The following COL5A2 variants were observed in gnomAD, a reference collection of about 807,000 sequenced individuals.
COL5A2 encodes collagen type V alpha 2 chain, also known as collagen alpha-2(V) chain.
COL5A2 carries 23 observed loss-of-function variants against 208.2 expected under a neutral mutation model. The ratio of observed to expected loss-of-function variants is 0.11; its 90% CI spans 0.08 to 0.16. The LOEUF (loss-of-function observed/expected upper bound fraction) is 0.16, where lower values mean the gene tolerates loss of function less well. Among genes scored for constraint, COL5A2 ranks in the 10% least tolerant of loss-of-function variants. The pLI is 1.00. For missense variants in COL5A2, 1,590 were observed against 1,956.4 expected, an observed-to-expected ratio of 0.81 and a Z score of 3.53; for synonymous variants, 625 against 628.5, an observed-to-expected ratio of 0.99 and a Z score of 0.08.
At chr2:189,068,926 G>C (rs775170506) in intron 18 of COL5A2, 42 bp from the exon 19 acceptor site, 2 of 1,331,398 alleles carry the variant, frequency 1.5e-6, no homozygotes, top group Admixed American at 3.4e-5. Flanking sequence ...AGAAAAATAC[G>C]AGAGTGGCAT....
chr2:189,191,152 C>A (rs57612106), intron 1 of COL5A2, among the ~76,000 whole-genome samples: 1,240 of 20,058 alleles, frequency 0.062, 9 homozygotes, highest in Middle Eastern at 0.17. Context: ...AAAAAAAAAA[C>A]AAAAAACAAA....
intron 1 of COL5A2, among the ~76,000 whole-genome samples, chr2:189,136,801 AT>A (rs1687836153): frequency 6.6e-6 from 1 of 151,846 alleles, no homozygotes; most frequent in Non-Finnish European, 1.5e-5. Flanking sequence ...GCTTTTTTCC[AT>A]TTTCTTGCCA....
chr2:189,223,592 G>C (rs1166867308), intron 1 of COL5A2, among the ~76,000 whole-genome samples: 1 of 152,054 alleles, frequency 6.6e-6, no homozygotes, highest in Non-Finnish European at 1.5e-5. Context: ...ACAACATCGT[G>C]GATAAATAAA....
intron 1 of COL5A2, among the ~76,000 whole-genome samples, chr2:189,151,532 C>A (rs1321841025): frequency 6.6e-6 from 1 of 152,090 alleles, no homozygotes; most frequent in Non-Finnish European, 1.5e-5. Flanking sequence ...AGATAACTGG[C>A]AAATCAAATA....
At chr2:189,195,502 GC>G (rs1445309069) in intron 1 of COL5A2, among the ~76,000 whole-genome samples, 1 of 152,138 alleles carries the variant, frequency 6.6e-6, no homozygotes, top group Non-Finnish European at 1.5e-5. Context: ...AGCTCGTATA[GC>G]CAAGACAATC....
rs886039197 is a variant in COL5A2 at position 189,075,424 on chromosome 2, G to A, written c.1073C>T (p.Ala358Val). The part of the protein sequence containing the change: ...GPQGAPGQRG[A>V]HGMPGKPGPM... ...TCCAGGTTTTCCAGGCATACCATGTGCACCTCGTTGTCCCTAATTAAGAGA... is the reference window on the plus strand; with the variant it reads ...TCCAGGTTTTCCAGGCATACCATGTACACCTCGTTGTCCCTAATTAAGAGA... Residue 358 changes from alanine to valine, a missense_variant, in exon 17 of 54, where the codon GCA becomes GTA. Transcript: ENST00000374866. The A allele has an allele frequency of 1.2e-5, 19 of 1,605,958 alleles. No individual in the cohort carries two copies. The highest frequency in any genetic ancestry group is 1.6e-5 in the Non-Finnish European group (19 of 1,173,188).
At chr2:189,417,858 A>G in the COL5A2 span, among the ~76,000 whole-genome samples, 1 of 151,804 alleles carries the variant, frequency 6.6e-6, no homozygotes, top group Non-Finnish European at 1.5e-5. Context: ...ATATATGCAC[A>G]CACACAATAC....
At chr2:189,158,440 T>C (rs1688297258) in intron 1 of COL5A2, among the ~76,000 whole-genome samples, 2 of 151,862 alleles carry the variant, frequency 1.3e-5, no homozygotes, top group Admixed American at 6.6e-5. Flanking sequence ...TAAGAAACAA[T>C]ATAAAACTAA....
chr2:189,440,101 C>T, the COL5A2 span, among the ~76,000 whole-genome samples: 1 of 152,172 alleles, frequency 6.6e-6, no homozygotes, highest in Non-Finnish European at 1.5e-5. Context: ...AGTTCTGGCT[C>T]CCCAAATAAT....
chr2:189,164,404 T>A (rs183783197), intron 1 of COL5A2, among the ~76,000 whole-genome samples: 3 of 150,092 alleles, frequency 2.0e-5, no homozygotes, highest in East Asian at 3.9e-4. Context: ...CTATTCTTAT[T>A]TTTTTTTTTA....
chr2:189,429,566 T>C, the COL5A2 span, among the ~76,000 whole-genome samples: 1 of 152,238 alleles, frequency 6.6e-6, no homozygotes, highest in Non-Finnish European at 1.5e-5. Flanking sequence ...CTTAAGAGTC[T>C]CATGTCCCAC....
the COL5A2 span, among the ~76,000 whole-genome samples, chr2:189,348,956 CACA>C: frequency 1.3e-5 from 2 of 152,120 alleles, no homozygotes; most frequent in African/African-American, 4.8e-5. Context: ...TTCTAATCTT[CACA>C]ACATTTTAAA....
chr2:189,425,713 G>C, the COL5A2 span, among the ~76,000 whole-genome samples: 1 of 152,218 alleles, frequency 6.6e-6, no homozygotes, highest in South Asian at 2.1e-4. Context: ...GAATCATGGG[G>C]GCAGTTTCTC....
At chr2:189,435,411 T>G in the COL5A2 span, among the ~76,000 whole-genome samples, 4 of 151,926 alleles carry the variant, frequency 2.6e-5, no homozygotes, top group African/African-American at 9.7e-5. Context: ...GGGAGAAAAT[T>G]TTTGCAATCT....
chr2:189,368,010 T>C, the COL5A2 span, among the ~76,000 whole-genome samples: 22 of 152,298 alleles, frequency 1.4e-4, no homozygotes, highest in East Asian at 3.9e-3. Flanking sequence ...TTCCAACTCT[T>C]CTACCTTCAA....
chr2:189,322,873 A>C, the COL5A2 span, among the ~76,000 whole-genome samples: 1 of 152,202 alleles, frequency 6.6e-6, no homozygotes, highest in African/African-American at 2.4e-5. Context: ...CACAACAAAA[A>C]AAGAGAATTT....
intron 35 of COL5A2, among the ~76,000 whole-genome samples, chr2:189,055,591 T>C (rs527670025): frequency 5.3e-5 from 8 of 152,216 alleles, no homozygotes; most frequent in Non-Finnish European, 1.0e-4. Context: ...TTATGTAATA[T>C]ACTTCTTTAA....
chr2:189,183,849 C>T (rs577860482), upstream of COL5A2, among the ~76,000 whole-genome samples: 20 of 152,150 alleles, frequency 1.3e-4, no homozygotes, highest in East Asian at 1.9e-3. Flanking sequence ...TTGTTTTATC[C>T]GGAGGAAACA....
At chr2:189,308,650 C>A in the COL5A2 span, among the ~76,000 whole-genome samples, 1 of 152,104 alleles carries the variant, frequency 6.6e-6, no homozygotes, top group East Asian at 1.9e-4. Flanking sequence ...GTCTCCACAA[C>A]CCCTTATCTT....
Sources: gnomAD v4.1 joint callset for allele counts (sites outside exome capture counted in the v4.1 genomes callset) on GRCh38, gnomAD v4.1.1 for gene constraint, MANE v1.5 for transcripts, NCBI Gene and HGNC (gene_info 2026-07-23, HGNC 2026-07-21) for gene names.